Variants in MAP3K5 observed in about 807,000 individuals in gnomAD.
MAP3K5 encodes mitogen-activated protein kinase kinase kinase 5.
MAP3K5 carries 56 observed loss-of-function variants against 158.7 expected under a neutral mutation model. The observed-to-expected ratio is 0.35, with a 90% CI of 0.28 to 0.44. MAP3K5 has a LOEUF of 0.44. Ranked by LOEUF, MAP3K5 falls within the 20% of genes least tolerant of loss-of-function variation. The pLI is 1.00. For synonymous variants in MAP3K5, 579 were observed against 601.7 expected (o/e 0.96, Z 0.55); for missense variants, 1,294 against 1,674.8 (o/e 0.77, Z 3.97).
chr6:136,612,922 T>C (rs1012130820), intron 17 of MAP3K5, among the ~76,000 whole-genome samples, 198 bp downstream of exon 17: 1 of 152,228 alleles, frequency 6.6e-6, no homozygotes, highest in Non-Finnish European at 1.5e-5. Context: ...TTAAGCAGTG[T>C]GTTCCTTGAG....
Position 136,669,603 on chromosome 6 carries a change from A to G in MAP3K5, c.1254-208T>C, listed in dbSNP as rs930925915. Reference sequence around the variant, plus strand: ...TCTGTTGCTTTCCCCCGCTTAGCTCACCCTCAACCTACCTAGTAACCCTAG... The same window carrying G: ...TCTGTTGCTTTCCCCCGCTTAGCTCGCCCTCAACCTACCTAGTAACCCTAG... On this transcript the variant is annotated intron_variant, in intron 7 of 29. Coordinates refer to ENST00000359015, the MANE Select transcript of MAP3K5 (RefSeq NM_005923.4). 2.6e-5 allele frequency among the ~76,000 whole-genome samples: 4 copies of G among 151,062 alleles called. 1 individual carries two copies. Among genetic ancestry groups the G allele is most frequent in the African/African-American group, 9.8e-5 (4 of 40,874 alleles).
intron 19 of MAP3K5, among the ~76,000 whole-genome samples, chr6:136,603,543 T>C (rs1475279916): frequency 6.6e-6 from 1 of 152,072 alleles, no homozygotes; most frequent in African/African-American, 2.4e-5. Flanking sequence ...GTTAAATAAT[T>C]TGCTCAAAGT....
chr6:136,673,856 T>C (rs1454914539), intron 7 of MAP3K5, among the ~76,000 whole-genome samples: 4 of 151,978 alleles, frequency 2.6e-5, no homozygotes. Context: ...ATGTGAGATA[T>C]AATGGATAAA....
intron 25 of MAP3K5, among the ~76,000 whole-genome samples, chr6:136,574,510 T>G (rs143751460): frequency 6.6e-6 from 1 of 152,046 alleles, no homozygotes; most frequent in Non-Finnish European, 1.5e-5. Context: ...GTGCTCAGCA[T>G]TACTCCATCT....
intron 7 of MAP3K5, among the ~76,000 whole-genome samples, chr6:136,684,629 C>A (rs896777359): frequency 6.6e-6 from 1 of 152,112 alleles, no homozygotes; most frequent in Admixed American, 6.5e-5. Flanking sequence ...TCTTTAGTCA[C>A]AAATTCTCAC....
intron 25 of MAP3K5, among the ~76,000 whole-genome samples, chr6:136,571,391 C>T (rs1271916938): frequency 1.3e-5 from 2 of 152,198 alleles, no homozygotes; most frequent in African/African-American, 4.8e-5. Context: ...ACAGCTGTAA[C>T]ACTCCCTCCC....
At chr6:136,775,880 C>A (rs967993270) in intron 1 of MAP3K5, among the ~76,000 whole-genome samples, 1 of 152,208 alleles carries the variant, frequency 6.6e-6, no homozygotes, top group Non-Finnish European at 1.5e-5. Flanking sequence ...TCTGGCCCTT[C>A]TTGGGCTACT....
chr6:136,611,802 G>A (rs1033733975), intron 17 of MAP3K5, among the ~76,000 whole-genome samples: 1 of 152,202 alleles, frequency 6.6e-6, no homozygotes, highest in Non-Finnish European at 1.5e-5. Context: ...AGGCCACCAG[G>A]TTAGGAGGAT....
At chr6:136,728,184 T>C (rs543625001) in intron 1 of MAP3K5, among the ~76,000 whole-genome samples, 2 of 152,190 alleles carry the variant, frequency 1.3e-5, no homozygotes, top group Non-Finnish European at 2.9e-5. Context: ...TGCATTTTGG[T>C]CATCGAATGG....
At chr6:136,729,103 G>C (rs9494562) in intron 1 of MAP3K5, among the ~76,000 whole-genome samples, 21,258 of 152,144 alleles carry the variant, frequency 0.14, 4,848 homozygotes, top group African/African-American at 0.48. Flanking sequence ...TGTGAAGGCA[G>C]AGAAAGCACA....
At chr6:136,585,119 G>A (rs75882595) in intron 23 of MAP3K5, among the ~76,000 whole-genome samples, 1 of 120,030 alleles carries the variant, frequency 8.3e-6, no homozygotes, top group African/African-American at 3.0e-5. Flanking sequence ...TTTTTTTTTT[G>A]TTTTTTTTTA....
In MAP3K5 at chr6:136,651,017, T is replaced by G. The variant is rs1778497088; in HGVS notation, c.1755A>C (p.Thr585=). ...LSINNEVEEK[T]ISIWHVLPDD... is the part of the protein sequence containing the mutation. ...CAGGAAGCACGTGCCAAATAGAGAT[T>G]GTCTTTTCCTCAACTTCATTGTTGA... is the stretch of plus-strand genomic sequence containing the variant. Residue 585 remains threonine, a synonymous_variant, in exon 11 of 30, where the codon ACA becomes ACC. Transcript: ENST00000359015. 6.2e-7 allele frequency: 1 copy of G among 1,612,108 alleles called. No homozygotes were observed. Among genetic ancestry groups the G allele is most frequent in the Non-Finnish European group, 8.5e-7 (1 of 1,178,808 alleles).
intron 27 of MAP3K5, among the ~76,000 whole-genome samples, chr6:136,562,032 C>A (rs1392014671): frequency 6.6e-6 from 1 of 152,154 alleles, no homozygotes; most frequent in Admixed American, 6.5e-5. Flanking sequence ...CATATCTAAA[C>A]AAATAACTAT....
Position 136,613,227 on chromosome 6 carries a change from A to G in MAP3K5, c.2308T>C (p.Trp770Arg). The G allele has an allele frequency of 6.2e-7, 1 of 1,613,532 alleles. No individual in the cohort carries two copies. Among genetic ancestry groups the G allele is most frequent in the African/African-American group, 1.3e-5 (1 of 75,026 alleles). The change falls in exon 17 of 30, where the codon TGG (tryptophan) becomes CGG (arginine). Residue 770 changes from tryptophan to arginine, a missense_variant. Coordinates refer to ENST00000359015, the MANE Select transcript of MAP3K5 (RefSeq NM_005923.4). The surrounding 1 kb of genome is among the most constrained non-coding windows in gnomAD (Gnocchi z 4.0). ...GSLSALLRSKWGPLKDNEQTI... is the reference protein window; with the variant it reads ...GSLSALLRSKRGPLKDNEQTI... ...TGCTCATTGTCTTTTAATGGACCCC[A>G]TTTGGAACGAAGGAGAGCAGAAAGA...
At chr6:136,705,305 C>T (rs1015432791) in intron 2 of MAP3K5, among the ~76,000 whole-genome samples, 172 bp from the exon 3 acceptor site, 5 of 152,046 alleles carry the variant, frequency 3.3e-5, no homozygotes, top group Non-Finnish European at 7.4e-5. Flanking sequence ...TATCTACCTA[C>T]TTATTTTAGA....
intron 11 of MAP3K5, among the ~76,000 whole-genome samples, chr6:136,646,877 C>G (rs1342184439): frequency 6.6e-6 from 1 of 152,222 alleles, no homozygotes; most frequent in Non-Finnish European, 1.5e-5. Context: ...GATGATTCCA[C>G]TTGGAGTCTT....
upstream of MAP3K5, among the ~76,000 whole-genome samples, chr6:136,793,051 C>T (rs1785159799): frequency 6.6e-6 from 1 of 152,194 alleles, no homozygotes; most frequent in African/African-American, 2.4e-5. Context: ...GGAGCGCAAG[C>T]GATTACGGGG....
rs577061987 is a variant in MAP3K5, at chr6:136,682,417, T to C, written c.1253+11723A>G. ...AATCTGGCAAATGGAAAATTGACAT[T>C]GGTCTTTATTTGTCTGTTGATTAGT... On this transcript the variant is annotated intron_variant, in intron 7 of 29. Coordinates refer to ENST00000359015, the MANE Select transcript of MAP3K5 (RefSeq NM_005923.4). 1.6e-4 allele frequency among the ~76,000 whole-genome samples: 25 copies of C among 152,302 alleles called. No homozygotes were observed. In the South Asian group the frequency reaches 1.9e-3, roughly 11 times the overall value.
chr6:136,698,508 C>A lies in MAP3K5; in HGVS notation c.787G>T (p.Val263Leu). 6 of 1,613,718 alleles carry A rather than the reference C, an allele frequency of 3.7e-6. No individual in the cohort carries two copies. Among genetic ancestry groups the A allele is most frequent in the Non-Finnish European group, 5.1e-6 (6 of 1,179,820 alleles). The change falls in exon 4 of 30, where the codon GTG (valine) becomes TTG (leucine). Residue 263 changes from valine to leucine, a missense_variant. This residue lies in a region of MAP3K5 where 690 missense variants were observed against 870.5 expected (regional missense o/e 0.79). Coordinates refer to ENST00000359015, the MANE Select transcript of MAP3K5 (RefSeq NM_005923.4). ...LVDRFIQLLK[V>L]AQASSSQYFR... is the part of the protein sequence containing the mutation. The stretch of plus-strand genomic sequence containing the variant: ...CTTTACCTAGAACTTGCTTGTGCCA[C>A]CTTCAAAAGTTGAATAAAACGATCC...
Sources: gnomAD v4.1 joint callset for allele counts (sites outside exome capture counted in the v4.1 genomes callset) on GRCh38, gnomAD v4.1.1 for gene constraint, gnomAD v4.1.1 regional missense constraint, Gnocchi (gnomAD v3.1) non-coding constraint, MANE v1.5 for transcripts, NCBI Gene and HGNC (gene_info 2026-07-23, HGNC 2026-07-21) for gene names.